NT5DC4: variants seen among roughly 807,000 people sequenced by gnomAD.
The protein encoded by NT5DC4 is 5'-nucleotidase domain-containing protein 4.
Under a neutral mutation model 26.6 loss-of-function variants are expected in NT5DC4, and 44 were observed. The ratio of observed to expected loss-of-function variants is 1.65; its 90% CI spans 1.30 to 2.13. The LOEUF (loss-of-function observed/expected upper bound fraction) is 2.13. Among genes scored for constraint, NT5DC4 ranks in the 30% most tolerant of loss-of-function variants. NT5DC4 has a pLI of 0.00. For missense variants in NT5DC4, 399 were observed against 228.1 expected (o/e 1.75, Z -4.83); for synonymous variants, 157 against 86.7 (o/e 1.81, Z -4.51).
Position 112,739,021 on chromosome 2 carries a change from G to A in NT5DC4, c.*85G>A, listed in dbSNP as rs1679637998. 1 of 1,613,978 alleles carries A rather than the reference G, an allele frequency of 6.2e-7. No homozygotes were observed. The highest frequency in any genetic ancestry group is 1.3e-5 in the African/African-American group (1 of 74,914). On this transcript the variant is annotated 3_prime_UTR_variant, in exon 17 of 17. Coordinates refer to ENST00000688554, the MANE Select transcript of NT5DC4 (RefSeq NM_001393655.1). The stretch of plus-strand genomic sequence containing the variant: ...GCCGTACAGGAGTGATAAATTTCAT[G>A]TCTTGCACTTCCGGCATCCCATTTA...
chr2:112,723,232 G>C, intron 7 of NT5DC4, 58 bp downstream of exon 7: 2 of 716,798 alleles, frequency 2.8e-6, no homozygotes, highest in South Asian at 3.0e-5. Flanking sequence ...GGTTCCCCGG[G>C]CAGCCTTCAG....
intron 10 of NT5DC4, 80 bp from the exon 11 acceptor site, chr2:112,724,701 C>T (rs1677456882): frequency 1.5e-6 from 1 of 689,604 alleles, no homozygotes; most frequent in African/African-American, 1.8e-5. Flanking sequence ...TGGGGAGAGG[C>T]AGGCTGTGGT....
chr2:112,724,826 G>A lies in NT5DC4; in HGVS notation c.835G>A (p.Val279Met), dbSNP rs1023101007. The A allele has an allele frequency of 4.5e-5, 32 of 717,210 alleles. No individual in the cohort carries two copies. Among genetic ancestry groups the A allele is most frequent in the Middle Eastern group, 2.3e-4 (1 of 4,356 alleles). The allele number at this position is 717,210 out of a possible 1,614,324, so 44.4% of individuals were successfully genotyped here. The change falls in exon 11 of 17, where the codon GTG (valine) becomes ATG (methionine). Residue 279 changes from valine to methionine, a missense_variant. Physicochemically the swap from Val to Met is conservative, Grantham distance 21. Transcript: ENST00000688554. The stretch of plus-strand genomic sequence containing the variant: ...CTGGAGGTCCTACTTTGACCTGATC[G>A]TGGTGGACACGCAGAAGCCCCACTT... ...RPWRSYFDLI[V>M]VDTQKPHFFA...
At chr2:112,719,892 TTCTTTC>T (rs2104687459), upstream of NT5DC4, among the ~76,000 whole-genome samples, 1 of 67,122 alleles carries the variant, frequency 1.5e-5, no homozygotes, top group Admixed American at 2.0e-4. Flanking sequence ...TTTCTTTCCT[TTCTTTC>T]TTTCTTTTTC....
intron 16 of NT5DC4, among the ~76,000 whole-genome samples, chr2:112,735,490 CTTT>C (rs781549203): frequency 3.1e-4 from 37 of 119,106 alleles, no homozygotes; most frequent in Non-Finnish European, 6.1e-4. Flanking sequence ...CCTCCCCCCC[CTTT>C]TTTTCTTTCT....
At chr2:112,725,760 G>A (rs1677622367) in intron 13 of NT5DC4, among the ~76,000 whole-genome samples, 1 of 152,196 alleles carries the variant, frequency 6.6e-6, no homozygotes, top group Non-Finnish European at 1.5e-5. Context: ...CCAGTAGGGG[G>A]AAAGCTGAGA....
downstream of NT5DC4, among the ~76,000 whole-genome samples, chr2:112,739,848 C>G (rs933790575): frequency 6.6e-6 from 1 of 152,168 alleles, no homozygotes; most frequent in African/African-American, 2.4e-5. Context: ...GAGTTGGGGT[C>G]TCCCTATGCT....
intron 15 of NT5DC4, 89 bp downstream of exon 15, chr2:112,726,827 C>T (rs888094341): frequency 1.7e-5 from 12 of 712,570 alleles, no homozygotes; most frequent in Admixed American, 6.0e-5. Flanking sequence ...GCTTTGTCCT[C>T]GGTGCCAAAG....
Position 112,722,498 on chromosome 2 carries a change from G to A in NT5DC4, c.378G>A (p.Arg126=), listed in dbSNP as rs1677028636. The change falls in exon 5 of 17, where the codon AGG becomes AGA. Residue 126 remains arginine (R), a synonymous_variant. Transcript: ENST00000688554. ...FTFLSDLPLL[R]AEIWSFYPSK... ...CTGCACCCAGCCTACCCCTCCTCAG[G>A]GCAGAGATCTGGAGCTTCTACCCCA... 2.8e-6 allele frequency: 2 copies of A among 717,192 alleles called. No individual in the cohort carries two copies. The highest frequency in any genetic ancestry group is 1.7e-5 in the African/African-American group (1 of 57,242). 44.4% of individuals were successfully genotyped at this position (717,192 alleles called of 1,614,324 possible). A position where few individuals can be genotyped will look rare whatever the true frequency, so the allele number is the denominator to read the frequency against.
intron 15 of NT5DC4, among the ~76,000 whole-genome samples, chr2:112,728,532 T>C (rs1343865846): frequency 6.6e-6 from 1 of 152,122 alleles, no homozygotes; most frequent in Non-Finnish European, 1.5e-5. Flanking sequence ...GGCATCATCA[T>C]TTCCATTTGA....
intron 16 of NT5DC4, among the ~76,000 whole-genome samples, chr2:112,730,773 C>T (rs1487543763): frequency 1.3e-5 from 2 of 152,124 alleles, no homozygotes; most frequent in African/African-American, 2.4e-5. Flanking sequence ...TCCTGTGTGC[C>T]GGGCAGTTTA....
Position 112,722,362 on chromosome 2 carries a change from GA to G in NT5DC4, c.362+86del. On this transcript the variant is annotated intron_variant, in intron 4 of 16. Coordinates refer to ENST00000688554, the MANE Select transcript of NT5DC4 (RefSeq NM_001393655.1). ...GGGGAGGACAGAGGGAGGGAGGGAG[GA>G]AGGACGCAGGCCCACGGTGGAGGCT... is the stretch of plus-strand genomic sequence containing the variant. The G allele has an allele frequency of 5.6e-6, 4 of 712,932 alleles. No individual in the cohort carries two copies. The South Asian group carries it at 6.0e-5, about 11-fold the overall frequency. The allele number at this position is 712,932 out of a possible 1,614,324, so 44.2% of individuals were successfully genotyped here. A position where few individuals can be genotyped will look rare whatever the true frequency, so the allele number is the denominator to read the frequency against.
At chr2:112,724,410 G>A (rs924626031) in intron 10 of NT5DC4, 8 of 582,130 alleles carry the variant, frequency 1.4e-5, no homozygotes, top group Non-Finnish European at 1.8e-5. Flanking sequence ...CAGGTCAAAG[G>A]GAGGGGTGCT....
At chr2:112,741,061 C>G, downstream of NT5DC4, 2 of 1,188,710 alleles carry the variant, frequency 1.7e-6, no homozygotes, top group Non-Finnish European at 2.5e-6. Context: ...AATACTTCAA[C>G]TAGAAGTCAA....
chr2:112,742,696 A>C, downstream of NT5DC4: 1 of 1,552,862 alleles, frequency 6.4e-7, no homozygotes, highest in Non-Finnish European at 8.8e-7. Context: ...AAATTCAAAA[A>C]TAATAGTACC....
At chr2:112,719,873 TTC>T (rs1676667932), upstream of NT5DC4, among the ~76,000 whole-genome samples, 1 of 125,334 alleles carries the variant, frequency 8.0e-6, no homozygotes, top group South Asian at 3.0e-4. Flanking sequence ...CCTCCTTTCT[TTC>T]TCTTTCTTTC....
intron 16 of NT5DC4, among the ~76,000 whole-genome samples, chr2:112,734,169 A>ATATATATGTGTGTGTGTGTGTGTGTGTG (rs150412692): frequency 7.4e-6 from 1 of 134,786 alleles, no homozygotes; most frequent in African/African-American, 2.8e-5. Context: ...TATTATATAT[A>ATATATATGTGTGTGTGTGTGTGTGTGTG]TGTGTGTGTG....
At chr2:112,737,877 T>C (rs909387534) in intron 16 of NT5DC4, 5 of 152,216 alleles carry the variant, frequency 3.3e-5, no homozygotes, top group African/African-American at 4.8e-5. Context: ...CAGGAACTAA[T>C]AGAAATTTAA....
At chr2:112,742,268 A>T, downstream of NT5DC4, 2 of 667,112 alleles carry the variant, frequency 3.0e-6, no homozygotes, top group Non-Finnish European at 5.5e-6. Flanking sequence ...TCTAAAGGTT[A>T]TGACCACTGA....
Sources: allele counts gnomAD v4.1 joint callset (sites outside exome capture counted in the v4.1 genomes callset), GRCh38; gene constraint gnomAD v4.1.1; transcripts MANE v1.5; gene names NCBI Gene and HGNC (gene_info 2026-07-23, HGNC 2026-07-21).